The following SNX29 variants were observed in gnomAD, a reference collection of about 807,000 sequenced individuals.
SNX29 encodes sorting nexin 29.
A neutral mutation model predicts 102.1 loss-of-function variants in SNX29; 78 were observed. That is an observed-to-expected ratio of 0.76 (90% CI 0.64 to 0.92). The LOEUF is 0.92. Among genes scored for constraint, SNX29 ranks in the 40% least tolerant of loss-of-function variants. The pLI, the probability that SNX29 is intolerant of heterozygous loss-of-function variation, is 0.00. For synonymous variants in SNX29, 580 were observed against 414.5 expected, an observed-to-expected ratio of 1.40 and a Z score of -4.85; for missense variants, 1,280 against 1,061.7, an observed-to-expected ratio of 1.21 and a Z score of -2.86.
At chr16:12,165,149 G>A (rs1386093997) in intron 13 of SNX29, among the ~76,000 whole-genome samples, 1 of 152,238 alleles carries the variant, frequency 6.6e-6, no homozygotes, top group African/African-American at 2.4e-5. Flanking sequence ...TATTAAGTGG[G>A]AAATACATGG....
intron 8 of SNX29, among the ~76,000 whole-genome samples, chr16:12,059,248 T>C (rs1243095650): frequency 1.3e-5 from 2 of 152,176 alleles, no homozygotes; most frequent in African/African-American, 4.8e-5. Flanking sequence ...TGGAGTGGCC[T>C]AGAAAGGACT....
chr16:12,572,803 C>CAG lies in SNX29; in HGVS notation c.*4176_*4177dup. 1 of 1,063,870 alleles carries CAG rather than the reference C, an allele frequency of 9.4e-7. No homozygotes were observed. Among genetic ancestry groups the CAG allele is most frequent in the Non-Finnish European group, 1.1e-6 (1 of 878,348 alleles). The allele number at this position is 1,063,870 out of a possible 1,614,324, so 65.9% of individuals were successfully genotyped here. A position where few individuals can be genotyped will look rare whatever the true frequency, so the allele number is the denominator to read the frequency against. ...CCTCACTCCTCCTTCCCCAGTACAT[C>CAG]AGACTGGTTAGGAGGCATCCCAGAA... is the stretch of plus-strand genomic sequence containing the variant. On this transcript the variant is annotated 3_prime_UTR_variant, in exon 21 of 21. Transcript: ENST00000566228.
At chr16:11,978,678 C>T (rs1308578932) in intron 1 of SNX29, among the ~76,000 whole-genome samples, 1 of 152,154 alleles carries the variant, frequency 6.6e-6, no homozygotes, top group East Asian at 1.9e-4. Context: ...GCCACAAGCT[C>T]ACAGTTCTGG....
intron 20 of SNX29, among the ~76,000 whole-genome samples, chr16:12,529,933 A>T (rs997761789): frequency 1.3e-5 from 2 of 152,158 alleles, no homozygotes; most frequent in African/African-American, 4.8e-5. Flanking sequence ...CCTCAGCGTT[A>T]CCCAGTTGCC....
intron 1 of SNX29, among the ~76,000 whole-genome samples, chr16:11,985,881 G>A (rs193188327): frequency 5.4e-5 from 8 of 149,260 alleles, no homozygotes; most frequent in Admixed American, 4.7e-4. Context: ...CACCCAGGCT[G>A]GACTGTAGTG....
chr16:12,109,236 T>C (rs1042413998), intron 11 of SNX29, among the ~76,000 whole-genome samples: 3 of 151,520 alleles, frequency 2.0e-5, no homozygotes, highest in Non-Finnish European at 4.4e-5. Context: ...ACCTTCTTGC[T>C]GGTGGGGACT....
At chr16:12,363,747 C>A (rs28368750) in intron 16 of SNX29, among the ~76,000 whole-genome samples, 6,730 of 152,226 alleles carry the variant, frequency 0.044, 290 homozygotes, top group African/African-American at 0.11. Flanking sequence ...TCAGTGGTAT[C>A]TTTTTATAAT....
At chr16:12,425,143 C>G (rs1048289324) in intron 18 of SNX29, among the ~76,000 whole-genome samples, 1 of 152,138 alleles carries the variant, frequency 6.6e-6, no homozygotes, top group African/African-American at 2.4e-5. Context: ...CGGGTGAGAC[C>G]GATCTGTGCT....
chr16:12,531,213 C>A (rs903296831), intron 20 of SNX29, among the ~76,000 whole-genome samples: 1 of 152,108 alleles, frequency 6.6e-6, no homozygotes, highest in African/African-American at 2.4e-5. Context: ...GCAGGGAGCC[C>A]CAAGTCATCC....
At chr16:12,457,084 T>C (rs2086573114) in intron 18 of SNX29, among the ~76,000 whole-genome samples, 2 of 152,204 alleles carry the variant, frequency 1.3e-5, no homozygotes, top group Non-Finnish European at 2.9e-5. Flanking sequence ...CCTTTTCTTC[T>C]CCTTACTAAG....
rs1409382483 is a variant in SNX29 at position 12,477,836 on chromosome 16, C to A, written c.2155C>A (p.Pro719Thr). ...YPQVRAYNFP[P>T]KKAIGNKDAK... Reference sequence around the variant, plus strand: ...TCAAGTGAGGGCCTACAACTTCCCACCCAAAAAGGCCATTGGAAACAAGGT... The same window carrying A: ...TCAAGTGAGGGCCTACAACTTCCCAACCAAAAAGGCCATTGGAAACAAGGT... Residue 719 changes from proline (P) to threonine (T), a missense_variant, in exon 19 of 21, where the codon CCC (proline) becomes ACC (threonine). Pro to Thr is a conservative substitution (Grantham distance 38). Transcript: ENST00000566228. 6.2e-7 allele frequency: 1 copy of A among 1,607,824 alleles called. No individual in the cohort carries two copies. Among genetic ancestry groups the A allele is most frequent in the Admixed American group, 1.7e-5 (1 of 57,762 alleles).
chr16:12,111,409 A>G (rs991929966), intron 11 of SNX29, among the ~76,000 whole-genome samples: 1 of 152,184 alleles, frequency 6.6e-6, no homozygotes, highest in Non-Finnish European at 1.5e-5. Context: ...TGCCAGCCAC[A>G]CTGGCCTTTG....
At chr16:12,403,636 G>A in intron 18 of SNX29, 107 bp downstream of exon 18, 1 of 1,074,142 alleles carries the variant, frequency 9.3e-7, no homozygotes. Flanking sequence ...TGATTAGGAG[G>A]CTATGGCCTT....
intron 20 of SNX29, among the ~76,000 whole-genome samples, chr16:12,531,979 C>T (rs368537710): frequency 3.3e-5 from 5 of 152,144 alleles, no homozygotes; most frequent in African/African-American, 1.2e-4. Flanking sequence ...ATGTAGCAAT[C>T]ACAGTTTGGA....
At chr16:12,344,420 A>G (rs1263881962) in intron 15 of SNX29, among the ~76,000 whole-genome samples, 1 of 152,170 alleles carries the variant, frequency 6.6e-6, no homozygotes, top group Non-Finnish European at 1.5e-5. Flanking sequence ...TGGAACCACT[A>G]GCTAGAATAT....
In SNX29 at chr16:12,570,208, C is replaced by A; in HGVS notation, c.*1579C>A. 9.4e-7 allele frequency: 1 copy of A among 1,064,964 alleles called. No homozygotes were observed. The highest frequency in any genetic ancestry group is 4.2e-4 in the Middle Eastern group (1 of 2,400). The allele number at this position is 1,064,964 out of a possible 1,614,324, so 66.0% of individuals were successfully genotyped here. A position where few individuals can be genotyped will look rare whatever the true frequency, so the allele number is the denominator to read the frequency against. ...TCAGCCTACATGACTTCCAAGGGGA[C>A]CTGGGGCCAGATAAGCCCTGCCCCG... On this transcript the variant is annotated 3_prime_UTR_variant, in exon 21 of 21. Transcript: ENST00000566228.
intron 18 of SNX29, among the ~76,000 whole-genome samples, chr16:12,459,201 C>T (rs1314473418): frequency 6.9e-6 from 1 of 145,680 alleles, no homozygotes; most frequent in East Asian, 2.2e-4. Context: ...CCCTTAGGTT[C>T]TGCGTCTCTG....
intron 19 of SNX29, among the ~76,000 whole-genome samples, chr16:12,521,391 G>C (rs774382304): frequency 3.9e-5 from 6 of 151,976 alleles, no homozygotes; most frequent in Non-Finnish European, 8.8e-5. Context: ...TTCTCCAGGG[G>C]CCTCTGGGAC....
At chr16:12,155,573 A>G (rs1008202122) in intron 13 of SNX29, among the ~76,000 whole-genome samples, 1 of 152,202 alleles carries the variant, frequency 6.6e-6, no homozygotes, top group African/African-American at 2.4e-5. Context: ...TGAGCCAACT[A>G]TAACTGGGGA....
Sources: allele counts gnomAD v4.1 joint callset (sites outside exome capture counted in the v4.1 genomes callset), GRCh38; gene constraint gnomAD v4.1.1; transcripts MANE v1.5; gene names NCBI Gene and HGNC (gene_info 2026-07-23, HGNC 2026-07-21).